Variants in SLC1A1 observed in about 807,000 individuals in gnomAD.
SLC1A1 encodes excitatory amino acid transporter 3.
Under a neutral mutation model 53.3 loss-of-function variants are expected in SLC1A1, and 43 were observed. The observed-to-expected ratio is 0.81, with a 90% CI of 0.63 to 1.04. The LOEUF (loss-of-function observed/expected upper bound fraction) is 1.04. Among genes scored for constraint, SLC1A1 ranks in the 50% least tolerant of loss-of-function variants. The pLI, the probability that SLC1A1 is intolerant of heterozygous loss-of-function variation, is 0.00. For missense variants in SLC1A1, 748 were observed against 664.9 expected (o/e 1.12, Z -1.37); for synonymous variants, 307 against 243.2 (o/e 1.26, Z -2.44).
rs1821639017 is a variant in SLC1A1, at chr9:4,587,344, T to C, written c.*1786T>C. ...AATTAGTGGCACTAGTTGGCAGAGC[T>C]GTTCATGAGCTGCCAGTTATCATTT... On this transcript the variant is annotated 3_prime_UTR_variant, in exon 12 of 12. Coordinates refer to ENST00000262352, the MANE Select transcript of SLC1A1 (RefSeq NM_004170.6). The C allele has an allele frequency of 6.6e-6, 1 of 152,248 alleles. No individual in the cohort carries two copies. The highest frequency in any genetic ancestry group is 1.5e-5 in the Non-Finnish European group (1 of 68,036). The allele number at this position is 152,248 out of a possible 1,614,324, so 9.4% of individuals were successfully genotyped here.
At chr9:4,504,293 G>C (rs543857275) in intron 1 of SLC1A1, among the ~76,000 whole-genome samples, 2 of 152,248 alleles carry the variant, frequency 1.3e-5, no homozygotes, top group Non-Finnish European at 2.9e-5. Context: ...ACCATTCATT[G>C]AATTTATTTC....
At chr9:4,541,040 T>C (rs1816960561) in intron 1 of SLC1A1, among the ~76,000 whole-genome samples, 1 of 152,216 alleles carries the variant, frequency 6.6e-6, no homozygotes, top group South Asian at 2.1e-4. Context: ...TACCTGTGTC[T>C]GTGGTGGGAA....
At chr9:4,584,489 C>A (rs566323241) in intron 11 of SLC1A1, among the ~76,000 whole-genome samples, 1 of 152,300 alleles carries the variant, frequency 6.6e-6, no homozygotes, top group East Asian at 1.9e-4. Context: ...ACACTAGGGC[C>A]AGTTCAATCC....
At position 4,567,695 on chromosome 9, in the gene SLC1A1, G is replaced by A. The variant is rs1819620213; in HGVS notation, c.510G>A (p.Lys170=). The A allele has an allele frequency of 1.9e-6, 3 of 1,612,860 alleles. No individual in the cohort carries two copies. Among genetic ancestry groups the A allele is most frequent in the Non-Finnish European group, 2.5e-6 (3 of 1,179,072 alleles). The stretch of plus-strand genomic sequence containing the variant: ...ACAAAACTAAGCGTGAAGAAGTGAA[G>A]CCTCCCAGCGATCCAGAGATGAACA... ...QQYKTKREEV[K]PPSDPEMNMT... The change falls in exon 6 of 12, where the codon AAG becomes AAA. Residue 170 remains lysine (K), a synonymous_variant. Transcript: ENST00000262352.
intron 10 of SLC1A1, among the ~76,000 whole-genome samples, chr9:4,579,126 G>A (rs191649644): frequency 5.6e-4 from 85 of 152,336 alleles, no homozygotes; most frequent in African/African-American, 2.0e-3. Flanking sequence ...TGGCACACCA[G>A]CTGGGGAACT....
chr9:4,547,153 G>T (rs1437107041), intron 2 of SLC1A1, among the ~76,000 whole-genome samples: 1 of 152,148 alleles, frequency 6.6e-6, no homozygotes, highest in East Asian at 1.9e-4. Flanking sequence ...TTTTTTCTGG[G>T]AAGTATAGCC....
chr9:4,539,524 C>G (rs1176190609), intron 1 of SLC1A1, among the ~76,000 whole-genome samples: 1 of 152,114 alleles, frequency 6.6e-6, no homozygotes, highest in Non-Finnish European at 1.5e-5. Flanking sequence ...TAGCTGAGAT[C>G]ATGGGTGTTT....
chr9:4,539,100 A>C (rs1172909813), intron 1 of SLC1A1, among the ~76,000 whole-genome samples: 1 of 152,226 alleles, frequency 6.6e-6, no homozygotes, highest in Non-Finnish European at 1.5e-5. Context: ...TATGGCTTTC[A>C]TTTAAAAAAA....
At chr9:4,533,129 G>C (rs1205560074) in intron 1 of SLC1A1, among the ~76,000 whole-genome samples, 1 of 152,086 alleles carries the variant, frequency 6.6e-6, no homozygotes, top group Non-Finnish European at 1.5e-5. Context: ...GTAAAGACCA[G>C]AGAGGCTAGG....
intron 1 of SLC1A1, among the ~76,000 whole-genome samples, chr9:4,507,819 T>C (rs1820855067): frequency 1.3e-5 from 2 of 152,138 alleles, no homozygotes; most frequent in Admixed American, 6.6e-5. Context: ...TGATCTTAAG[T>C]TGTACCTGAC....
At position 4,503,218 on chromosome 9, in the gene SLC1A1, G is replaced by A. The variant is rs574009936; in HGVS notation, c.91+12448G>A. On this transcript the variant is annotated intron_variant, in intron 1 of 11. Coordinates refer to ENST00000262352, the MANE Select transcript of SLC1A1 (RefSeq NM_004170.6). ...ACAGTACTCTTCACTACTGAGCTCT[G>A]TCATGGCCTCAGAATCCTCGAAACT... Among the ~76,000 whole-genome samples, 64 of 151,904 alleles carry A rather than the reference G, an allele frequency of 4.2e-4. 1 individual carries two copies. The highest frequency in any genetic ancestry group is 4.2e-3 in the Admixed American group (64 of 15,284).
At chr9:4,564,648 G>A (rs1586809197) in intron 4 of SLC1A1, among the ~76,000 whole-genome samples, 190 bp downstream of exon 4, 1 of 152,182 alleles carries the variant, frequency 6.6e-6, no homozygotes, top group Admixed American at 6.5e-5. Flanking sequence ...GGTTCCAAGA[G>A]GGAAGGGAAG....
intron 1 of SLC1A1, among the ~76,000 whole-genome samples, chr9:4,523,157 T>C (rs1193555080): frequency 6.6e-6 from 1 of 152,214 alleles, no homozygotes; most frequent in Non-Finnish European, 1.5e-5. Flanking sequence ...CTCCTGCCTG[T>C]GCTGAGTTGC....
chr9:4,534,886 T>A lies in SLC1A1; in HGVS notation c.92-9681T>A, dbSNP rs192357156. Among the ~76,000 whole-genome samples, 5 of 152,298 alleles carry A rather than the reference T, an allele frequency of 3.3e-5. No homozygotes were observed. In the East Asian group the frequency reaches 7.7e-4, roughly 24 times the overall value. On this transcript the variant is annotated intron_variant, in intron 1 of 11. Transcript: ENST00000262352. ...GATCTAGTGGGATTCATCCCTGGGA[T>A]GCAAGGCTGGTTCAACATATGCAAA...
At chr9:4,525,146 T>G (rs1246167063) in intron 1 of SLC1A1, among the ~76,000 whole-genome samples, 1 of 152,118 alleles carries the variant, frequency 6.6e-6, no homozygotes, top group Non-Finnish European at 1.5e-5. Context: ...TGACATAAAG[T>G]CTGGAACCAC....
chr9:4,517,252 C>T (rs77806927), intron 1 of SLC1A1, among the ~76,000 whole-genome samples: 2,578 of 152,264 alleles, frequency 0.017, 57 homozygotes, highest in African/African-American at 0.059. Context: ...ATCCAAGGTT[C>T]ATCTAAAATT....
Position 4,585,760 on chromosome 9 carries a change from A to C in SLC1A1, c.*202A>C. On this transcript the variant is annotated 3_prime_UTR_variant, in exon 12 of 12. Coordinates refer to ENST00000262352, the MANE Select transcript of SLC1A1 (RefSeq NM_004170.6). ...TTTGGGTGTGGGGTAAGTTGAAGGG[A>C]AATCAATTTAAAGGAAAGTTCTATT... 1.6e-6 allele frequency: 1 copy of C among 614,176 alleles called. No individual in the cohort carries two copies. The highest frequency in any genetic ancestry group is 2.8e-6 in the Non-Finnish European group (1 of 354,828). The allele number at this position is 614,176 out of a possible 1,614,324, so 38.0% of individuals were successfully genotyped here. A position where few individuals can be genotyped will look rare whatever the true frequency, so the allele number is the denominator to read the frequency against.
intron 10 of SLC1A1, among the ~76,000 whole-genome samples, chr9:4,580,599 A>ATGTGTGTGTGTGTGTGTGTG (rs770759737): frequency 2.0e-5 from 1 of 51,052 alleles, no homozygotes; most frequent in African/African-American, 8.2e-5. Flanking sequence ...AAAAAAATAT[A>ATGTGTGTGTGTGTGTGTGTG]TATGTGTGTG....
chr9:4,490,628 G>A lies in SLC1A1; in HGVS notation c.-52G>A, dbSNP rs1471475602. The A allele has an allele frequency of 1.1e-5, 16 of 1,503,866 alleles. No individual in the cohort carries two copies. The highest frequency in any genetic ancestry group is 1.5e-5 in the Non-Finnish European group (16 of 1,087,632). The allele number at this position is 1,503,866 out of a possible 1,614,324, so 93.2% of individuals were successfully genotyped here. A position where few individuals can be genotyped will look rare whatever the true frequency, so the allele number is the denominator to read the frequency against. ...CCGAGCAGCCAGCAGTCCCCGGGTC[G>A]CCCAGCCCACGCGCGCACGGCCGAG... is the stretch of plus-strand genomic sequence containing the variant. On this transcript the variant is annotated 5_prime_UTR_variant, in exon 1 of 12. Coordinates refer to ENST00000262352, the MANE Select transcript of SLC1A1 (RefSeq NM_004170.6).
Sources: allele counts gnomAD v4.1 joint callset (sites outside exome capture counted in the v4.1 genomes callset), GRCh38; gene constraint gnomAD v4.1.1; transcripts MANE v1.5; gene names NCBI Gene and HGNC (gene_info 2026-07-23, HGNC 2026-07-21).